The following CDHR3 variants were observed in gnomAD, a reference collection of about 807,000 sequenced individuals.
The protein encoded by CDHR3 is cadherin related family member 3, also known as cadherin-related family member 3.
Under a neutral mutation model 86.6 loss-of-function variants are expected in CDHR3, and 79 were observed. The ratio of observed to expected loss-of-function variants is 0.91; its 90% CI spans 0.76 to 1.10. The LOEUF (loss-of-function observed/expected upper bound fraction) is 1.10, where lower values mean the gene tolerates loss of function less well. Ranked by LOEUF, CDHR3 falls within the 50% of genes least tolerant of loss-of-function variation. CDHR3 has a pLI of 0.00. For synonymous variants in CDHR3, 421 were observed against 402.4 expected (o/e 1.05, Z -0.55); for missense variants, 1,081 against 1,077.6 (o/e 1.00, Z -0.04).
intron 7 of CDHR3, among the ~76,000 whole-genome samples, chr7:106,002,238 A>G (rs1401851220): frequency 6.6e-6 from 1 of 152,240 alleles, no homozygotes; most frequent in Non-Finnish European, 1.5e-5. Flanking sequence ...AAGACAGATT[A>G]ACAAGAGAAA....
chr7:106,008,928 T>TC (rs1180732684), intron 8 of CDHR3, among the ~76,000 whole-genome samples: 2 of 152,096 alleles, frequency 1.3e-5, no homozygotes, highest in African/African-American at 2.4e-5. Context: ...TTGTCCATTT[T>TC]CTCTCTTCAG....
At chr7:105,963,503 G>T (rs1215590331) in intron 1 of CDHR3, 139 bp downstream of exon 1, 10 of 871,360 alleles carry the variant, frequency 1.1e-5, no homozygotes, top group Non-Finnish European at 1.9e-5. Flanking sequence ...AATGAATGAG[G>T]TGATGCCGCT....
intron 6 of CDHR3, among the ~76,000 whole-genome samples, chr7:105,998,986 C>T (rs2115774260): frequency 6.6e-6 from 1 of 152,326 alleles, no homozygotes; most frequent in African/African-American, 2.4e-5. Flanking sequence ...ACCTTGGGCA[C>T]TTACTGAATA....
At chr7:106,015,827 A>G (rs1470670734) in intron 10 of CDHR3, 100 bp from the exon 11 acceptor site, 2 of 737,994 alleles carry the variant, frequency 2.7e-6, no homozygotes. Flanking sequence ...GGTATCCCCT[A>G]TGCGCAAAGC....
At chr7:105,987,530 C>A (rs976789089) in intron 4 of CDHR3, among the ~76,000 whole-genome samples, 1 of 152,140 alleles carries the variant, frequency 6.6e-6, no homozygotes, top group Non-Finnish European at 1.5e-5. Context: ...TCGTTAGGTT[C>A]GTAAAAGTAG....
At chr7:106,019,240 GGA>G (rs1032051495) in intron 12 of CDHR3, among the ~76,000 whole-genome samples, 8 of 151,786 alleles carry the variant, frequency 5.3e-5, no homozygotes, top group African/African-American at 1.7e-4. Context: ...TCTCTTAAAC[GGA>G]GAGTCACCTG....
chr7:106,003,989 C>CAAAAAAAAAAAAAAAA (rs55815648), intron 7 of CDHR3, among the ~76,000 whole-genome samples: 15 of 79,942 alleles, frequency 1.9e-4, no homozygotes, highest in Non-Finnish European at 2.1e-4. Context: ...CCAACCTAAC[C>CAAAAAAAAAAAAAAAA]AAAAAAAAAA....
intron 8 of CDHR3, among the ~76,000 whole-genome samples, chr7:106,006,124 C>G (rs1833911819): frequency 6.6e-6 from 1 of 151,408 alleles, no homozygotes. Context: ...GGAAACTCCT[C>G]CTTATAAAGC....
chr7:105,991,218 G>C (rs967119104), intron 4 of CDHR3, among the ~76,000 whole-genome samples: 1 of 152,172 alleles, frequency 6.6e-6, no homozygotes, highest in Admixed American at 6.5e-5. Context: ...CCTTTAAAAA[G>C]GGGGAGAAAA....
Position 106,020,386 on chromosome 7 carries a change from TC to T in CDHR3, c.1669del (p.Glu558LysfsTer22). 3.1e-6 allele frequency: 5 copies of T among 1,611,106 alleles called. No homozygotes were observed. The highest frequency in any genetic ancestry group is 4.2e-6 in the Non-Finnish European group (5 of 1,178,412). The part of the protein sequence containing the change: ...DTSSVTVTVN[I>X]LEENDEKPIC... ...TTGCTACTCTAGGTTACTGTGAACA[TC>T]CTTGAAGAAAATGATGAAAAGCCAA... On this transcript the variant is annotated frameshift_variant, in exon 13 of 19. Coordinates refer to ENST00000317716, the MANE Select transcript of CDHR3 (RefSeq NM_152750.5). LOFTEE classifies it high-confidence loss of function.
intron 15 of CDHR3, among the ~76,000 whole-genome samples, chr7:106,024,868 C>T (rs961208164): frequency 5.9e-5 from 9 of 152,228 alleles, no homozygotes; most frequent in African/African-American, 1.9e-4. Context: ...ATAAAATCTT[C>T]AGCAAAGCCC....
chr7:105,981,065 T>C lies in CDHR3; in HGVS notation c.347T>C (p.Leu116Pro). The change falls in exon 3 of 19, where the codon CTG (leucine) becomes CCG (proline). Residue 116 changes from leucine to proline, a missense_variant. Physicochemically the swap from Leu to Pro is moderately conservative, Grantham distance 98 (BLOSUM62 -3). Coordinates refer to ENST00000317716, the MANE Select transcript of CDHR3 (RefSeq NM_152750.5). ...AAGGATGAGGTTGGTGTCACAGACC[T>C]GCAAGTCCTGACTGTCCAGGTAACA... ...YVKDEVGVTD[L>P]QVLTVQVTDV... The C allele has an allele frequency of 6.2e-7, 1 of 1,613,556 alleles. No homozygotes were observed. Among genetic ancestry groups the C allele is most frequent in the Non-Finnish European group, 8.5e-7 (1 of 1,179,750 alleles).
intron 3 of CDHR3, among the ~76,000 whole-genome samples, chr7:105,982,947 C>T (rs922221467): frequency 2.1e-5 from 3 of 145,898 alleles, no homozygotes; most frequent in Non-Finnish European, 4.5e-5. Context: ...TGTGCCACTG[C>T]ACTCCAACCT....
intron 3 of CDHR3, 94 bp from the exon 4 acceptor site, chr7:105,984,098 G>A: frequency 1.7e-6 from 1 of 604,358 alleles, no homozygotes; most frequent in East Asian, 3.1e-5. Flanking sequence ...CAACACCCTT[G>A]GTTCCCTTGG....
At chr7:106,020,618 C>A (rs1264385015) in intron 13 of CDHR3, 74 bp downstream of exon 13, 33 of 1,502,266 alleles carry the variant, frequency 2.2e-5, no homozygotes, top group Non-Finnish European at 2.8e-5. Context: ...GGGGTCTGTG[C>A]TCACACACTG....
At chr7:105,984,323 T>A in intron 4 of CDHR3, 34 bp downstream of exon 4, 1 of 1,551,730 alleles carries the variant, frequency 6.4e-7, no homozygotes, top group East Asian at 2.3e-5. Context: ...GTGGTGTTTG[T>A]CCGTGTTGGG....
chr7:105,977,692 C>T (rs1829045388), intron 2 of CDHR3, among the ~76,000 whole-genome samples: 1 of 152,208 alleles, frequency 6.6e-6, no homozygotes, highest in South Asian at 2.1e-4. Flanking sequence ...TGCAGCCTTC[C>T]AGACATGAAA....
At chr7:105,986,722 T>C (rs577760208) in intron 4 of CDHR3, among the ~76,000 whole-genome samples, 4 of 152,176 alleles carry the variant, frequency 2.6e-5, no homozygotes, top group East Asian at 3.9e-4. Context: ...TTTGTTCAGA[T>C]TCTTCTTGGT....
chr7:106,034,100 C>A lies in CDHR3; in HGVS notation c.*1403C>A, dbSNP rs1340867517. ...CACTTCCTATGATTGGAAGGAACTG[C>A]AGGACTCTGAGTGGGGACATACTGG... On this transcript the variant is annotated 3_prime_UTR_variant, in exon 19 of 19. Coordinates refer to ENST00000317716, the MANE Select transcript of CDHR3 (RefSeq NM_152750.5). Among the ~76,000 whole-genome samples, 1 of 152,228 alleles carries A rather than the reference C, an allele frequency of 6.6e-6. No homozygotes were observed. Among genetic ancestry groups the A allele is most frequent in the Non-Finnish European group, 1.5e-5 (1 of 68,046 alleles).
Sources: gnomAD v4.1 joint callset for allele counts (sites outside exome capture counted in the v4.1 genomes callset) on GRCh38, gnomAD v4.1.1 for gene constraint, MANE v1.5 for transcripts, NCBI Gene and HGNC (gene_info 2026-07-23, HGNC 2026-07-21) for gene names.